The following SLC4A8 variants were observed in gnomAD, a reference collection of about 807,000 sequenced individuals.
The protein encoded by SLC4A8 is electroneutral sodium bicarbonate exchanger 1.
In SLC4A8, 40 loss-of-function variants were observed where a neutral mutation model predicts 125.0. That is an observed-to-expected ratio of 0.32 (90% CI 0.25 to 0.42). The LOEUF is 0.42. Ranked by LOEUF, SLC4A8 falls within the 10% of genes least tolerant of loss-of-function variation. SLC4A8 has a pLI of 1.00. For missense variants in SLC4A8, 863 were observed against 1,355.1 expected (o/e 0.64, Z 5.70); for synonymous variants, 456 against 476.0 (o/e 0.96, Z 0.55).
At position 51,469,644 on chromosome 12, in the gene SLC4A8, G is replaced by A. The variant is rs755873517; in HGVS notation, c.1380G>A (p.Lys460=). The change falls in exon 12 of 25, where the codon AAG becomes AAA. Residue 460 remains lysine, a synonymous_variant. Transcript: ENST00000453097. ...RLFGGLVLDI[K]RKAPWYWSDY... is the part of the protein sequence containing the mutation. ...TTGGGGGCTTGGTGCTGGACATCAA[G>A]CGGAAGGCCCCCTGGTACTGGAGCG... 8.1e-6 allele frequency: 13 copies of A among 1,613,770 alleles called. No homozygotes were observed. Among genetic ancestry groups the A allele is most frequent in the Non-Finnish European group, 1.1e-5 (13 of 1,179,998 alleles).
intron 19 of SLC4A8, among the ~76,000 whole-genome samples, chr12:51,490,562 C>CAA (rs767679317): frequency 1.6e-3 from 58 of 37,228 alleles, no homozygotes; most frequent in Middle Eastern, 0.015. Context: ...GACTCCATCT[C>CAA]AAAAAAAAAA....
chr12:51,405,003 C>T (rs1482425529), intron 1 of SLC4A8, among the ~76,000 whole-genome samples: 1 of 152,170 alleles, frequency 6.6e-6, no homozygotes, highest in African/African-American at 2.4e-5. Flanking sequence ...AAAGGGCTGT[C>T]TATGTTCATG....
rs536725337 is a variant in SLC4A8 at position 51,454,284 on chromosome 12, G to A, written c.574+585G>A. Among the ~76,000 whole-genome samples, 9 of 151,472 alleles carry A rather than the reference G, an allele frequency of 5.9e-5. No homozygotes were observed. In the South Asian group the frequency reaches 1.9e-3, roughly 32 times the overall value. On this transcript the variant is annotated intron_variant, in intron 5 of 24. Transcript: ENST00000453097. ...TGCACTCCAGCCTAGGTAGCAGAGT[G>A]AGTGTAGGGGTGGGTTGCCCCTACA...
intron 1 of SLC4A8, 126 bp from the exon 2 acceptor site, chr12:51,440,582 T>C (rs1211342944): frequency 1.5e-6 from 1 of 670,252 alleles, no homozygotes; most frequent in East Asian, 3.1e-5. Context: ...GAAGTTCACA[T>C]GTAAAAATAC....
chr12:51,450,792 T>C, intron 2 of SLC4A8, 84 bp from the exon 3 acceptor site: 1 of 1,447,084 alleles, frequency 6.9e-7, no homozygotes. Context: ...GATATTTTTT[T>C]CTCTTAACTA....
At chr12:51,446,953 A>T (rs1047570516) in intron 2 of SLC4A8, among the ~76,000 whole-genome samples, 3 of 152,246 alleles carry the variant, frequency 2.0e-5, no homozygotes, top group Non-Finnish European at 4.4e-5. Context: ...AATAAGAGAG[A>T]TAGCTGCTTA....
chr12:51,458,606 A>C lies in SLC4A8; in HGVS notation c.811A>C (p.Lys271Gln). The change falls in exon 7 of 25, where the codon AAA becomes CAA. Residue 271 changes from lysine (K) to glutamine (Q), a missense_variant. Physicochemically the swap from Lys to Gln is moderately conservative, Grantham distance 53. Around this residue, in one of 6 missense-constraint regions of SLC4A8, gnomAD observed 390 missense variants for 634.4 expected, o/e 0.61. Coordinates refer to ENST00000453097, the MANE Select transcript of SLC4A8 (RefSeq NM_001039960.3). ...QSVPTTNLEV[K>Q]NGVNCEHSPV... The stretch of plus-strand genomic sequence containing the variant: ...TGTTCCAACTACAAATCTTGAAGTA[A>C]AAAATGGAGTGAATTGTGAACATAG... 6.2e-7 allele frequency: 1 copy of C among 1,613,974 alleles called. No individual in the cohort carries two copies. Among genetic ancestry groups the C allele is most frequent in the Non-Finnish European group, 8.5e-7 (1 of 1,179,832 alleles).
chr12:51,447,806 G>T (rs369154208), intron 2 of SLC4A8, among the ~76,000 whole-genome samples: 7 of 143,348 alleles, frequency 4.9e-5, no homozygotes, highest in Admixed American at 1.5e-4. Context: ...AACCTCCGCC[G>T]CCCAGGTTCA....
intron 24 of SLC4A8, among the ~76,000 whole-genome samples, chr12:51,506,434 T>A (rs985267344): frequency 7.2e-5 from 11 of 152,164 alleles, no homozygotes; most frequent in African/African-American, 2.7e-4. Context: ...TCTTTTCCTT[T>A]TTTTCTTTTT....
At chr12:51,505,166 T>G (rs1328793665) in intron 23 of SLC4A8, among the ~76,000 whole-genome samples, 1 of 152,202 alleles carries the variant, frequency 6.6e-6, no homozygotes, top group African/African-American at 2.4e-5. Context: ...GGAACAATGT[T>G]TCCCCTGTAA....
At chr12:51,426,313 A>G (rs1482201839) in intron 1 of SLC4A8, among the ~76,000 whole-genome samples, 1 of 152,212 alleles carries the variant, frequency 6.6e-6, no homozygotes, top group Non-Finnish European at 1.5e-5. Context: ...CTTAAAGCCT[A>G]TTAAATGTAT....
Position 51,452,204 on chromosome 12 carries a change from C to A in SLC4A8, c.358C>A (p.Leu120Met). 1 of 1,614,126 alleles carries A rather than the reference C, an allele frequency of 6.2e-7. No individual in the cohort carries two copies. The highest frequency in any genetic ancestry group is 1.1e-5 in the South Asian group (1 of 91,078). ...EHVPHELFTE[L>M]DEICMKEGED... The stretch of plus-strand genomic sequence containing the variant: ...TGTGCCTCATGAGCTGTTTACAGAG[C>A]TGGATGAGATCTGTATGAAAGAGGG... Residue 120 changes from leucine to methionine, a missense_variant, in exon 4 of 25, where the codon CTG becomes ATG. Leu to Met is a conservative substitution (Grantham distance 15). Coordinates refer to ENST00000453097, the MANE Select transcript of SLC4A8 (RefSeq NM_001039960.3).
chr12:51,492,372 A>C (rs1327023705), intron 19 of SLC4A8, among the ~76,000 whole-genome samples: 8 of 151,990 alleles, frequency 5.3e-5, no homozygotes, highest in Admixed American at 5.2e-4. Context: ...CTGTCCCCTC[A>C]CTTTCCACTC....
chr12:51,422,481 A>C (rs905901103), upstream of SLC4A8, among the ~76,000 whole-genome samples: 2 of 152,008 alleles, frequency 1.3e-5, no homozygotes, highest in Non-Finnish European at 2.9e-5. Flanking sequence ...CAGCTTCCTG[A>C]GGGGCTGGGA....
chr12:51,504,237 C>T (rs777612765), intron 23 of SLC4A8, 117 bp downstream of exon 23: 6 of 684,710 alleles, frequency 8.8e-6, no homozygotes, highest in African/African-American at 1.8e-5. Flanking sequence ...AATATTCAGC[C>T]TCCCAGTTCC....
intron 1 of SLC4A8, among the ~76,000 whole-genome samples, chr12:51,426,268 A>C (rs1948974516): frequency 6.6e-6 from 1 of 152,208 alleles, no homozygotes; most frequent in African/African-American, 2.4e-5. Context: ...GAAAAGAACA[A>C]TATCTAAGAT....
rs756271311 is a variant in SLC4A8 at position 51,504,015 on chromosome 12, T to G, written c.3082-14T>G. The G allele has an allele frequency of 4.0e-6, 6 of 1,498,200 alleles. No individual in the cohort carries two copies. The highest frequency in any genetic ancestry group is 5.5e-6 in the Non-Finnish European group (6 of 1,093,564). The allele number at this position is 1,498,200 out of a possible 1,614,324, so 92.8% of individuals were successfully genotyped here. ...ACTTGGTCCAAGATATAATAATGTT[T>G]CTTTTTCTTCCAGGAGGCTGAGAAA... On this transcript the variant is annotated splice_polypyrimidine_tract_variant and intron_variant, in intron 22 of 24. Transcript: ENST00000453097.
intron 15 of SLC4A8, 68 bp downstream of exon 15, chr12:51,474,515 G>C: frequency 6.4e-7 from 1 of 1,555,354 alleles, no homozygotes; most frequent in Non-Finnish European, 8.8e-7. Flanking sequence ...TCTAAGTGAA[G>C]GGGAGGAGTA....
At chr12:51,500,105 A>G (rs188671910) in intron 22 of SLC4A8, among the ~76,000 whole-genome samples, 2 of 152,304 alleles carry the variant, frequency 1.3e-5, no homozygotes, top group African/African-American at 2.4e-5. Flanking sequence ...TTTTGGACTG[A>G]ACAACTGAAT....
Sources: gnomAD v4.1 joint callset for allele counts (sites outside exome capture counted in the v4.1 genomes callset) on GRCh38, gnomAD v4.1.1 for gene constraint, gnomAD v4.1.1 regional missense constraint, MANE v1.5 for transcripts, NCBI Gene and HGNC (gene_info 2026-07-23, HGNC 2026-07-21) for gene names.